The following RIOX2 variants were observed in gnomAD, a reference collection of about 807,000 sequenced individuals.
The protein encoded by RIOX2 is 60S ribosomal protein L27a histidine hydroxylase.
A neutral mutation model predicts 51.2 loss-of-function variants in RIOX2; 43 were observed. The observed-to-expected ratio is 0.84, with a 90% CI of 0.66 to 1.08. The LOEUF (loss-of-function observed/expected upper bound fraction) is 1.08, where lower values mean the gene tolerates loss of function less well. Ranked by LOEUF, RIOX2 falls within the 50% of genes least tolerant of loss-of-function variation. RIOX2 has a pLI of 0.00. For missense variants in RIOX2, 566 were observed against 561.7 expected, an observed-to-expected ratio of 1.01 and a Z score of -0.08; for synonymous variants, 226 against 218.5, an observed-to-expected ratio of 1.03 and a Z score of -0.30.
chr3:97,945,078 G>T lies in RIOX2; in HGVS notation c.*106C>A. ...CAGGGAGGTCTCATGTTTGTTAGTA[G>T]ATACGCAGGTAAGGAAACTTGAATT... On this transcript the variant is annotated 3_prime_UTR_variant, in exon 10 of 10. Coordinates refer to ENST00000394198, the MANE Select transcript of RIOX2 (RefSeq NM_153182.4). The T allele has an allele frequency of 1.0e-6, 1 of 1,000,242 alleles. No individual in the cohort carries two copies. The highest frequency in any genetic ancestry group is 2.1e-5 in the South Asian group (1 of 48,756). 62.0% of individuals were successfully genotyped at this position (1,000,242 alleles called of 1,614,324 possible). A position where few individuals can be genotyped will look rare whatever the true frequency, so the allele number is the denominator to read the frequency against.
chr3:97,956,079 T>C (rs1705440050), intron 4 of RIOX2, among the ~76,000 whole-genome samples: 1 of 152,186 alleles, frequency 6.6e-6, no homozygotes, highest in African/African-American at 2.4e-5. Context: ...AGCAAAGAAG[T>C]AGGGTTGTTT....
Position 97,949,874 on chromosome 3 carries a change from C to A in RIOX2, c.1030G>T (p.Ala344Ser). 6.2e-7 allele frequency: 1 copy of A among 1,613,768 alleles called. No homozygotes were observed. Among genetic ancestry groups the A allele is most frequent in the Non-Finnish European group, 8.5e-7 (1 of 1,179,900 alleles). ...GTTGACAGCTCTGCCCCATCTCCCG[C>A]AGAGTAAGGGGGGAGTCTGTGCATA... ...FIMHRLPPYS[A>S]GDGAELSTPG... Residue 344 changes from alanine (A) to serine (S), a missense_variant, in exon 7 of 10, where the codon GCG (alanine) becomes TCG (serine). By Grantham distance (99) the Ala-to-Ser change is moderately conservative. Transcript: ENST00000394198.
intron 3 of RIOX2, among the ~76,000 whole-genome samples, chr3:97,959,895 C>T (rs1247867102): frequency 2.6e-5 from 4 of 152,106 alleles, no homozygotes; most frequent in South Asian, 2.1e-4. Context: ...GAAATGTAAA[C>T]AAACTTAAAG....
intron 4 of RIOX2, among the ~76,000 whole-genome samples, chr3:97,955,662 T>C (rs1705423914): frequency 6.6e-6 from 1 of 152,194 alleles, no homozygotes; most frequent in Admixed American, 6.5e-5. Flanking sequence ...ATTATAACTA[T>C]CATTTACTGA....
chr3:97,968,574 G>A (rs982888113), intron 1 of RIOX2, among the ~76,000 whole-genome samples: 5 of 152,110 alleles, frequency 3.3e-5, no homozygotes, highest in Admixed American at 6.5e-5. Flanking sequence ...CTGAGTAGTC[G>A]AAGCCACACA....
chr3:97,970,432 T>C (rs1706083790), intron 1 of RIOX2, among the ~76,000 whole-genome samples: 1 of 152,172 alleles, frequency 6.6e-6, no homozygotes, highest in Non-Finnish European at 1.5e-5. Context: ...AAGACAACCA[T>C]TCCTCTTAAC....
intron 1 of RIOX2, among the ~76,000 whole-genome samples, chr3:97,968,172 G>A (rs1421857103): frequency 2.6e-5 from 4 of 152,130 alleles, no homozygotes; most frequent in Non-Finnish European, 5.9e-5. Context: ...GACCCGCGGT[G>A]TCTCCTGGTG....
At chr3:97,961,765 AAATAAG>A in intron 2 of RIOX2, 57 bp from the exon 3 acceptor site, 2 of 1,522,566 alleles carry the variant, frequency 1.3e-6, no homozygotes, top group Non-Finnish European at 8.8e-7. Context: ...AATGTATTAG[AAATAAG>A]AATAAGAGCA....
chr3:97,948,099 T>C (rs832077), intron 7 of RIOX2, among the ~76,000 whole-genome samples: 21,321 of 152,124 alleles, frequency 0.14, 1,916 homozygotes, highest in South Asian at 0.27. Context: ...AGGAAAACAC[T>C]GAAGTAGTCT....
intron 3 of RIOX2, among the ~76,000 whole-genome samples, chr3:97,960,866 G>A (rs745918937): frequency 2.1e-4 from 32 of 152,158 alleles, no homozygotes; most frequent in Admixed American, 4.6e-4. Flanking sequence ...AGGGCCTGGG[G>A]AGATAGGAAA....
chr3:97,967,441 T>C lies in RIOX2; in HGVS notation c.153A>G (p.Thr51=), dbSNP rs779594282. ...CCCAGAATTCCTTGAAAAAAGTCTCTGTCTTGATGGGCGAGATTAAACTTT... is the reference window on the plus strand; with the variant it reads ...CCCAGAATTCCTTGAAAAAAGTCTCCGTCTTGATGGGCGAGATTAAACTTT... ...LFESLISPIK[T]ETFFKEFWEQ... Residue 51 remains threonine, a synonymous_variant, in exon 2 of 10, where the codon ACA becomes ACG. Transcript: ENST00000394198. 3.8e-5 allele frequency: 61 copies of C among 1,614,048 alleles called. No homozygotes were observed. Among genetic ancestry groups the C allele is most frequent in the Non-Finnish European group, 4.8e-5 (57 of 1,180,046 alleles).
intron 8 of RIOX2, among the ~76,000 whole-genome samples, chr3:97,946,580 G>A (rs2040364259): frequency 2.1e-5 from 1 of 48,286 alleles, no homozygotes; most frequent in Admixed American, 2.7e-4. Context: ...GTGTACTTTT[G>A]AGGATGTATA....
At chr3:97,952,401 C>T in intron 5 of RIOX2, 1 of 415,212 alleles carries the variant, frequency 2.4e-6, no homozygotes. Context: ...GGGCAGCCGG[C>T]CAGTTCCTCA....
chr3:97,961,758 G>A (rs751792213), intron 2 of RIOX2, 50 bp from the exon 3 acceptor site: 2 of 1,532,648 alleles, frequency 1.3e-6, no homozygotes, highest in African/African-American at 2.8e-5. Flanking sequence ...AGTGAAAAAT[G>A]TATTAGAAAT....
chr3:97,945,226 CA>C lies in RIOX2; in HGVS notation c.1355del (p.Leu452ArgfsTer10). The part of the protein sequence containing the change: ...KLTTDEEKES[L>X]VLSLWTECLI... The stretch of plus-strand genomic sequence containing the variant: ...AACATTCTGTCCAGAGGGATAATAC[CA>C]GGCTTTCCTTTTCCTCATCTGTAGT... On this transcript the variant is annotated frameshift_variant, in exon 10 of 10. Transcript: ENST00000394198. LOFTEE classifies it high-confidence loss of function. 1 of 1,612,492 alleles carries C rather than the reference CA, an allele frequency of 6.2e-7. No homozygotes were observed. Among genetic ancestry groups the C allele is most frequent in the East Asian group, 2.2e-5 (1 of 44,836 alleles).
chr3:97,952,666 G>A (rs546935286), intron 5 of RIOX2, among the ~76,000 whole-genome samples: 1 of 152,262 alleles, frequency 6.6e-6, no homozygotes, highest in African/African-American at 2.4e-5. Flanking sequence ...ACAGATGCAC[G>A]GATATTCAAA....
intron 5 of RIOX2, chr3:97,952,191 A>G (rs574229133): frequency 7.8e-7 from 1 of 1,289,682 alleles, no homozygotes; most frequent in Non-Finnish European, 1.0e-6. Context: ...CTCAAAACAC[A>G]GGATCATTTC....
At chr3:97,967,846 T>G (rs978991194) in intron 1 of RIOX2, among the ~76,000 whole-genome samples, 2 of 152,176 alleles carry the variant, frequency 1.3e-5, no homozygotes, top group Non-Finnish European at 2.9e-5. Context: ...AGATGACATA[T>G]TCATCTAAAG....
intron 4 of RIOX2, among the ~76,000 whole-genome samples, chr3:97,957,306 G>C (rs965802074): frequency 6.6e-6 from 1 of 152,072 alleles, no homozygotes; most frequent in Non-Finnish European, 1.5e-5. Context: ...AGACCAGCCT[G>C]GCCAACATGG....
Sources: gnomAD v4.1 joint callset for allele counts (sites outside exome capture counted in the v4.1 genomes callset) on GRCh38, gnomAD v4.1.1 for gene constraint, MANE v1.5 for transcripts, NCBI Gene and HGNC (gene_info 2026-07-23, HGNC 2026-07-21) for gene names.